The following AOX1 variants were observed in gnomAD, a reference collection of about 807,000 sequenced individuals.
AOX1 encodes aldehyde oxidase.
AOX1 carries 153 observed loss-of-function variants against 169.5 expected under a neutral mutation model. The observed-to-expected ratio is 0.90, with a 90% CI of 0.79 to 1.03. The LOEUF is 1.03. Ranked by LOEUF, AOX1 falls within the 50% of genes least tolerant of loss-of-function variation. AOX1 has a pLI of 0.00. For missense variants in AOX1, 1,656 were observed against 1,663.9 expected (o/e 1.00, Z 0.08); for synonymous variants, 562 against 581.9 (o/e 0.97, Z 0.49).
At chr2:200,664,603 A>G (rs1444710884) in intron 31 of AOX1, among the ~76,000 whole-genome samples, 1 of 152,250 alleles carries the variant, frequency 6.6e-6, no homozygotes, top group African/African-American at 2.4e-5. Flanking sequence ...GAATGATCTT[A>G]GGGGATGTGT....
chr2:200,638,320 T>A lies in AOX1; in HGVS notation c.2568+18T>A. 1 of 1,609,124 alleles carries A rather than the reference T, an allele frequency of 6.2e-7. No individual in the cohort carries two copies. Among genetic ancestry groups the A allele is most frequent in the Non-Finnish European group, 8.5e-7 (1 of 1,175,770 alleles). On this transcript the variant is annotated intron_variant, in intron 23 of 34. Coordinates refer to ENST00000374700, the MANE Select transcript of AOX1 (RefSeq NM_001159.4). ...AGTACAAAGTGAGTACAAGAGGGCA[T>A]GGAGGAAGGATTTATGTTGTAGATA...
chr2:200,675,004 T>G (rs1173273081), downstream of AOX1, among the ~76,000 whole-genome samples: 1 of 152,228 alleles, frequency 6.6e-6, no homozygotes, highest in Non-Finnish European at 1.5e-5. Flanking sequence ...TAAGGGGATC[T>G]GCTTCACAGC....
chr2:200,666,627 G>A, intron 31 of AOX1, 60 bp from the exon 32 acceptor site: 1 of 1,304,388 alleles, frequency 7.7e-7, no homozygotes, highest in Non-Finnish European at 1.1e-6. Context: ...GTGTTCCTCA[G>A]CTTCTTCTCC....
At chr2:200,612,246 C>G (rs1197184142) in intron 13 of AOX1, among the ~76,000 whole-genome samples, 1 of 152,152 alleles carries the variant, frequency 6.6e-6, no homozygotes, top group Non-Finnish European at 1.5e-5. Context: ...GAACTAATTA[C>G]TGAATCCTTC....
intron 33 of AOX1, 67 bp from the exon 34 acceptor site, chr2:200,669,508 A>G: frequency 1.3e-6 from 2 of 1,504,542 alleles, no homozygotes; most frequent in East Asian, 2.3e-5. Flanking sequence ...CACATATGCT[A>G]TAAATATGCA....
At chr2:200,678,748 G>A (rs527384606), downstream of AOX1, 1 of 150,944 alleles carries the variant, frequency 6.6e-6, no homozygotes, top group Non-Finnish European at 1.5e-5. Context: ...AAAACCTCTG[G>A]ATACTGCAAT....
chr2:200,637,702 AT>A (rs1464799167), intron 22 of AOX1, among the ~76,000 whole-genome samples: 1 of 152,086 alleles, frequency 6.6e-6, no homozygotes, highest in African/African-American at 2.4e-5. Flanking sequence ...TTGTATCGCC[AT>A]TTTCCTTTGA....
chr2:200,634,270 CA>C (rs1219543872), intron 20 of AOX1, among the ~76,000 whole-genome samples: 2 of 138,388 alleles, frequency 1.4e-5, no homozygotes, highest in Non-Finnish European at 3.0e-5. Context: ...ACAACAACAA[CA>C]AAAAAACCCA....
At chr2:200,617,573 C>G (rs991829574) in intron 16 of AOX1, among the ~76,000 whole-genome samples, 1 of 150,914 alleles carries the variant, frequency 6.6e-6, no homozygotes, top group African/African-American at 2.4e-5. Context: ...TTTGGCAGGC[C>G]TCACACAACA....
At chr2:200,674,016 A>G (rs1157611882), downstream of AOX1, among the ~76,000 whole-genome samples, 2 of 152,214 alleles carry the variant, frequency 1.3e-5, no homozygotes, top group Non-Finnish European at 2.9e-5. Flanking sequence ...AGCAAAAGCT[A>G]TACAGTAAGA....
At chr2:200,679,511 G>C (rs775047196), downstream of AOX1, 2 of 152,146 alleles carry the variant, frequency 1.3e-5, no homozygotes, top group African/African-American at 2.4e-5. Context: ...GGACACAGAT[G>C]GCAGGTGAAG....
At chr2:200,604,173 C>T (rs757007070) in intron 8 of AOX1, 76 bp downstream of exon 8, 37 of 1,104,032 alleles carry the variant, frequency 3.4e-5, no homozygotes, top group Non-Finnish European at 4.7e-5. Flanking sequence ...TTTATGGGTT[C>T]TCTCAAAAGC....
In AOX1 at chr2:200,671,465, T is replaced by G. The variant is rs1242012008; in HGVS notation, c.*786T>G. The G allele has an allele frequency of 6.6e-6, 1 of 152,212 alleles. No individual in the cohort carries two copies. The highest frequency in any genetic ancestry group is 1.5e-5 in the Non-Finnish European group (1 of 68,026). 9.4% of individuals were successfully genotyped at this position (152,212 alleles called of 1,614,324 possible). ...AACAAAATATCACATGCATAAATAT[T>G]ATGTATCAATAAAATTTTTTAATGG... is the stretch of plus-strand genomic sequence containing the variant. On this transcript the variant is annotated 3_prime_UTR_variant, in exon 35 of 35. Transcript: ENST00000374700.
chr2:200,617,640 T>A (rs1022038870), intron 16 of AOX1, among the ~76,000 whole-genome samples: 1 of 149,884 alleles, frequency 6.7e-6, no homozygotes, highest in African/African-American at 2.4e-5. Flanking sequence ...TACAGTGAAA[T>A]GTGTTATGTC....
At chr2:200,649,521 G>C (rs932876085) in intron 25 of AOX1, among the ~76,000 whole-genome samples, 26 of 152,282 alleles carry the variant, frequency 1.7e-4, no homozygotes, top group African/African-American at 5.8e-4. Context: ...CAGGATTATT[G>C]CTTTGTTCTT....
At chr2:200,624,982 T>C (rs1246566161) in intron 19 of AOX1, among the ~76,000 whole-genome samples, 3 of 152,230 alleles carry the variant, frequency 2.0e-5, no homozygotes, top group Non-Finnish European at 4.4e-5. Flanking sequence ...GCACGATCAG[T>C]GTCTCCAGGA....
intron 10 of AOX1, among the ~76,000 whole-genome samples, chr2:200,607,890 T>A (rs1283400958): frequency 6.6e-6 from 1 of 152,072 alleles, no homozygotes; most frequent in African/African-American, 2.4e-5. Flanking sequence ...CACCACATGC[T>A]CTTACTCATA....
At position 200,623,920 on chromosome 2, in the gene AOX1, G is replaced by A. The variant is rs373252483; in HGVS notation, c.2061G>A (p.Lys687=). ...TTGCCGATTCTGAGGTTCAGGCAAAGCGAGCTGCTAAGCGAGTGAAGATTG... is the reference window on the plus strand; with the variant it reads ...TTGCCGATTCTGAGGTTCAGGCAAAACGAGCTGCTAAGCGAGTGAAGATTG... ...AVLADSEVQA[K]RAAKRVKIVY... Residue 687 remains lysine, a synonymous_variant, in exon 19 of 35, where the codon AAG becomes AAA. Coordinates refer to ENST00000374700, the MANE Select transcript of AOX1 (RefSeq NM_001159.4). 3 of 1,614,072 alleles carry A rather than the reference G, an allele frequency of 1.9e-6. No individual in the cohort carries two copies. In the African/African-American group the frequency reaches 4.0e-5, roughly 22 times the overall value.
At chr2:200,643,091 A>G (rs138266364) in intron 25 of AOX1, among the ~76,000 whole-genome samples, 3 of 151,716 alleles carry the variant, frequency 2.0e-5, no homozygotes, top group East Asian at 3.9e-4. Flanking sequence ...GCTACCCACA[A>G]TTCCATCAAG....
Sources: gnomAD v4.1 joint callset for allele counts (sites outside exome capture counted in the v4.1 genomes callset) on GRCh38, gnomAD v4.1.1 for gene constraint, MANE v1.5 for transcripts, NCBI Gene and HGNC (gene_info 2026-07-23, HGNC 2026-07-21) for gene names.